BABAM2: variants seen among roughly 807,000 people sequenced by gnomAD.
BABAM2 encodes BRISC and BRCA1 A complex member 2.
In BABAM2, 31 loss-of-function variants were observed where a neutral mutation model predicts 54.7. That is an observed-to-expected ratio of 0.57 (90% CI 0.43 to 0.77). The LOEUF is 0.77. BABAM2 is among the 30% of genes least tolerant of loss of function. The pLI is 0.00. For synonymous variants in BABAM2, 167 were observed against 162.9 expected, an observed-to-expected ratio of 1.03 and a Z score of -0.19; for missense variants, 364 against 455.8, an observed-to-expected ratio of 0.80 and a Z score of 1.83.
chr2:28,067,574 T>C (rs748312567), intron 6 of BABAM2, among the ~76,000 whole-genome samples: 17 of 152,202 alleles, frequency 1.1e-4, no homozygotes, highest in Non-Finnish European at 2.1e-4. Flanking sequence ...GAGTTTGAAT[T>C]CTGTTCAAGG....
At chr2:28,098,857 C>T (rs777995596) in intron 6 of BABAM2, among the ~76,000 whole-genome samples, 1 of 152,120 alleles carries the variant, frequency 6.6e-6, no homozygotes, top group African/African-American at 2.4e-5. Flanking sequence ...AGGATGGTTT[C>T]GCCAGTGAAT....
intron 6 of BABAM2, among the ~76,000 whole-genome samples, chr2:28,100,643 A>G (rs1193742283): frequency 1.3e-5 from 2 of 152,138 alleles, no homozygotes; most frequent in Non-Finnish European, 2.9e-5. Flanking sequence ...TCAAATAATA[A>G]TATCAGGAAG....
At chr2:28,002,075 AAG>A (rs1553409727) in intron 4 of BABAM2, among the ~76,000 whole-genome samples, 2 of 151,754 alleles carry the variant, frequency 1.3e-5, no homozygotes, top group African/African-American at 4.8e-5. Context: ...AAAAAAAAAA[AAG>A]GAATTTATTG....
chr2:27,930,791 A>C lies in BABAM2; in HGVS notation c.205+883A>C, dbSNP rs572157340. Among the ~76,000 whole-genome samples, 7 of 152,274 alleles carry C rather than the reference A, an allele frequency of 4.6e-5. No homozygotes were observed. The East Asian group carries it at 1.3e-3, about 29-fold the overall frequency. On this transcript the variant is annotated intron_variant, in intron 3 of 11. Transcript: ENST00000379624. ...TCTCTGTCACTATTACCAATACTGA[A>C]CCTCTAGCCTAGTGTGGAAATCACA... is the stretch of plus-strand genomic sequence containing the variant.
intron 3 of BABAM2, among the ~76,000 whole-genome samples, chr2:27,978,739 T>C (rs1671777058): frequency 6.6e-6 from 1 of 152,182 alleles, no homozygotes; most frequent in South Asian, 2.1e-4. Flanking sequence ...TTTAGTCACC[T>C]AGATAGTGAG....
chr2:28,006,599 G>A (rs1285341938), intron 4 of BABAM2, among the ~76,000 whole-genome samples: 3 of 151,940 alleles, frequency 2.0e-5, no homozygotes, highest in South Asian at 2.1e-4. Flanking sequence ...CACCTAAAAC[G>A]TCCCTAACTA....
chr2:28,094,825 A>G (rs539815820), intron 6 of BABAM2, among the ~76,000 whole-genome samples: 44 of 151,366 alleles, frequency 2.9e-4, no homozygotes, highest in African/African-American at 1.0e-3. Flanking sequence ...GTGGCATACT[A>G]TATACACTAC....
At chr2:28,179,599 G>A (rs758434056) in intron 7 of BABAM2, among the ~76,000 whole-genome samples, 3 of 152,122 alleles carry the variant, frequency 2.0e-5, no homozygotes, top group Non-Finnish European at 4.4e-5. Flanking sequence ...ACCAGTCCTG[G>A]TCAACATGGT....
intron 6 of BABAM2, among the ~76,000 whole-genome samples, chr2:28,065,462 C>G (rs1679241836): frequency 6.6e-6 from 1 of 152,058 alleles, no homozygotes; most frequent in Non-Finnish European, 1.5e-5. Context: ...CTTAATATCG[C>G]CTCTGTTATT....
intron 7 of BABAM2, among the ~76,000 whole-genome samples, chr2:28,165,049 C>T (rs1673498816): frequency 6.6e-6 from 1 of 152,140 alleles, no homozygotes; most frequent in Non-Finnish European, 1.5e-5. Flanking sequence ...ATTTGTTTAG[C>T]TCCTACTGTG....
chr2:28,233,143 G>T, intron 7 of BABAM2: 1 of 468,574 alleles, frequency 2.1e-6, no homozygotes, highest in African/African-American at 2.0e-5. Context: ...CTCCTCCCAG[G>T]TTAAGCCTGA....
intron 6 of BABAM2, among the ~76,000 whole-genome samples, chr2:28,091,765 T>G (rs1666177440): frequency 6.6e-6 from 1 of 152,204 alleles, no homozygotes; most frequent in Non-Finnish European, 1.5e-5. Context: ...GTGGCTTAGT[T>G]TTTTCCTTAT....
intron 6 of BABAM2, among the ~76,000 whole-genome samples, chr2:28,110,869 G>C (rs377020567): frequency 1.3e-5 from 2 of 151,710 alleles, no homozygotes; most frequent in African/African-American, 4.8e-5. Context: ...GCCAACACTT[G>C]CTATTATTTT....
chr2:28,175,946 A>C (rs1047932112), intron 7 of BABAM2, among the ~76,000 whole-genome samples: 1 of 152,240 alleles, frequency 6.6e-6, no homozygotes, highest in African/African-American at 2.4e-5. Flanking sequence ...AGCCACTGAG[A>C]AGATCACAAA....
At chr2:27,992,002 A>G (rs1415471061) in intron 4 of BABAM2, among the ~76,000 whole-genome samples, 1 of 152,166 alleles carries the variant, frequency 6.6e-6, no homozygotes, top group Non-Finnish European at 1.5e-5. Context: ...CAGTTTCTCC[A>G]CATTCTCAGC....
intron 6 of BABAM2, among the ~76,000 whole-genome samples, chr2:28,056,326 C>T (rs1287181457): frequency 6.6e-6 from 1 of 152,156 alleles, no homozygotes; most frequent in East Asian, 1.9e-4. Flanking sequence ...GTATTAATTT[C>T]CTTCACTGTA....
At chr2:28,188,672 C>T (rs1676577871) in intron 7 of BABAM2, among the ~76,000 whole-genome samples, 1 of 152,160 alleles carries the variant, frequency 6.6e-6, no homozygotes, top group Non-Finnish European at 1.5e-5. Flanking sequence ...TGTTTAGGTT[C>T]TGCCACCTAG....
In BABAM2 at chr2:28,253,500, A is replaced by T. The variant is rs114975390; in HGVS notation, c.934+8638A>T. On this transcript the variant is annotated intron_variant, in intron 10 of 11. Coordinates refer to ENST00000379624, the MANE Select transcript of BABAM2 (RefSeq NM_199191.3). ...ATTTAATCTGCAGAACATCTTTCTG[A>T]GGTTAATTACCAGAATAACCCATTT... 4.6e-3 allele frequency among the ~76,000 whole-genome samples: 695 copies of T among 152,262 alleles called. 6 individuals are homozygous for T. The highest frequency in any genetic ancestry group is 0.016 in the African/African-American group (671 of 41,532).
At chr2:28,166,936 G>C (rs1036851367) in intron 7 of BABAM2, among the ~76,000 whole-genome samples, 5 of 152,306 alleles carry the variant, frequency 3.3e-5, no homozygotes, top group Non-Finnish European at 7.3e-5. Context: ...AGATATCCAA[G>C]AGACAGTTAG....
Sources: allele counts gnomAD v4.1 joint callset (sites outside exome capture counted in the v4.1 genomes callset), GRCh38; gene constraint gnomAD v4.1.1; transcripts MANE v1.5; gene names NCBI Gene and HGNC (gene_info 2026-07-23, HGNC 2026-07-21).